Variants in SGCZ observed in about 807,000 individuals in gnomAD.
SGCZ encodes sarcoglycan zeta.
SGCZ carries 40 observed loss-of-function variants against 41.3 expected under a neutral mutation model. That is an observed-to-expected ratio of 0.97 (90% CI 0.75 to 1.26). The LOEUF (loss-of-function observed/expected upper bound fraction) is 1.26. Among genes scored for constraint, SGCZ ranks in the 50% most tolerant of loss-of-function variants. The probability of loss-of-function intolerance (pLI) is 0.00; values close to 1 mark genes in which losing one functional copy is unlikely to be tolerated. For synonymous variants in SGCZ, 206 were observed against 137.5 expected (o/e 1.50, Z -3.49); for missense variants, 552 against 369.8 (o/e 1.49, Z -4.04).
chr8:14,789,927 C>T (rs1356952076), intron 1 of SGCZ, among the ~76,000 whole-genome samples: 3 of 152,032 alleles, frequency 2.0e-5, no homozygotes, highest in Non-Finnish European at 2.9e-5. Context: ...AGAATGTTTT[C>T]AATTTTTCTC....
intron 1 of SGCZ, among the ~76,000 whole-genome samples, chr8:14,958,584 G>T (rs1207507017): frequency 6.6e-6 from 1 of 151,930 alleles, no homozygotes; most frequent in Non-Finnish European, 1.5e-5. Flanking sequence ...TGACTAGAAA[G>T]GATAATGAAA....
chr8:14,320,236 G>C (rs1213435629), intron 3 of SGCZ, among the ~76,000 whole-genome samples: 1 of 150,944 alleles, frequency 6.6e-6, no homozygotes, highest in Non-Finnish European at 1.5e-5. Context: ...ATATGATAAT[G>C]ATAACCATGA....
rs114261417 is a variant in SGCZ at position 14,248,436 on chromosome 8, T to C, written c.337-10757A>G. Among the ~76,000 whole-genome samples, 1,396 of 152,292 alleles carry C rather than the reference T, an allele frequency of 9.2e-3. 25 individuals carry two copies. The highest frequency in any genetic ancestry group is 0.032 in the African/African-American group (1,341 of 41,554). ...TGTATATGATACACAGTTCATGTTA[T>C]ATGAGTATCATGAATGATGAAAACT... On this transcript the variant is annotated intron_variant, in intron 3 of 7. Coordinates refer to ENST00000382080, the MANE Select transcript of SGCZ (RefSeq NM_139167.4).
At chr8:14,305,095 T>C (rs910737821) in intron 3 of SGCZ, among the ~76,000 whole-genome samples, 4 of 152,158 alleles carry the variant, frequency 2.6e-5, no homozygotes, top group African/African-American at 7.2e-5. Context: ...TATGTAAAGA[T>C]GGTAGATAAA....
chr8:14,694,745 T>A (rs1808903075), intron 1 of SGCZ, among the ~76,000 whole-genome samples: 1 of 152,112 alleles, frequency 6.6e-6, no homozygotes, highest in African/African-American at 2.4e-5. Context: ...TTAAAAGAAA[T>A]AACTCATATT....
Position 14,271,847 on chromosome 8 carries a change from G to A in SGCZ, c.337-34168C>T, listed in dbSNP as rs376532366. Among the ~76,000 whole-genome samples, 5 of 152,154 alleles carry A rather than the reference G, an allele frequency of 3.3e-5. No individual in the cohort carries two copies. In the East Asian group the frequency reaches 5.8e-4, roughly 18 times the overall value. On this transcript the variant is annotated intron_variant, in intron 3 of 7. Transcript: ENST00000382080. The stretch of plus-strand genomic sequence containing the variant: ...CTGAACAATTGCTGTTAAAAGCCTC[G>A]ATCTCAGCTTTACATCTCTCTTTAT...
At chr8:14,829,457 T>C (rs1327622222) in intron 1 of SGCZ, among the ~76,000 whole-genome samples, 2 of 152,182 alleles carry the variant, frequency 1.3e-5, no homozygotes, top group South Asian at 2.1e-4. Flanking sequence ...AATTTTTCCA[T>C]GAACTTCTTG....
intron 1 of SGCZ, among the ~76,000 whole-genome samples, chr8:14,692,087 C>G (rs746885896): frequency 6.6e-6 from 1 of 151,758 alleles, no homozygotes; most frequent in Non-Finnish European, 1.5e-5. Context: ...TATTTTTAGT[C>G]AAGAATTTCT....
chr8:14,742,333 G>A (rs1451353018), intron 1 of SGCZ, among the ~76,000 whole-genome samples: 1 of 151,868 alleles, frequency 6.6e-6, no homozygotes, highest in Non-Finnish European at 1.5e-5. Context: ...ACACACCTCA[G>A]CAACTGACAT....
At chr8:15,128,307 C>T (rs998642782) in intron 1 of SGCZ, among the ~76,000 whole-genome samples, 1 of 152,320 alleles carries the variant, frequency 6.6e-6, no homozygotes, top group African/African-American at 2.4e-5. Flanking sequence ...AACCAAGACT[C>T]ACCTTATAAG....
chr8:15,052,918 A>G (rs1804566446), intron 1 of SGCZ, among the ~76,000 whole-genome samples: 1 of 151,978 alleles, frequency 6.6e-6, no homozygotes, highest in Non-Finnish European at 1.5e-5. Flanking sequence ...CCTACTTGAC[A>G]CTCTTCTCCA....
Position 14,740,538 on chromosome 8 carries a change from A to G in SGCZ, c.40-185612T>C, listed in dbSNP as rs112977659. Among the ~76,000 whole-genome samples, 405 of 152,148 alleles carry G rather than the reference A, an allele frequency of 2.7e-3. 2 individuals carry two copies. The highest frequency in any genetic ancestry group is 9.5e-3 in the African/African-American group (396 of 41,542). On this transcript the variant is annotated intron_variant, in intron 1 of 7. Coordinates refer to ENST00000382080, the MANE Select transcript of SGCZ (RefSeq NM_139167.4). ...GCAAAATAACGTACTATGAATGTCC[A>G]CTAATGATGTCCCATTGTTTTTAAA...
At chr8:14,534,534 A>G (rs755086903) in intron 2 of SGCZ, among the ~76,000 whole-genome samples, 6 of 152,012 alleles carry the variant, frequency 3.9e-5, no homozygotes, top group Non-Finnish European at 8.8e-5. Flanking sequence ...TTTTACAGGC[A>G]TGGGAAATTA....
intron 1 of SGCZ, among the ~76,000 whole-genome samples, chr8:14,604,968 T>C (rs1805702956): frequency 6.6e-6 from 1 of 152,200 alleles, no homozygotes. Context: ...GAAATATTAA[T>C]TGATGTTATA....
chr8:14,309,930 G>A (rs564026646), intron 3 of SGCZ, among the ~76,000 whole-genome samples: 300 of 151,532 alleles, frequency 2.0e-3, no homozygotes, highest in Non-Finnish European at 3.5e-3. Flanking sequence ...ATCCATAAAT[G>A]TGTTCCTGGC....
At chr8:14,519,066 CT>C (rs1053815887) in intron 2 of SGCZ, among the ~76,000 whole-genome samples, 4 of 112,534 alleles carry the variant, frequency 3.6e-5, no homozygotes, top group Non-Finnish European at 3.3e-5. Flanking sequence ...CAGACTCTGT[CT>C]AAAAAAAAAA....
At chr8:14,384,759 C>T (rs1304902337) in intron 2 of SGCZ, among the ~76,000 whole-genome samples, 5 of 152,176 alleles carry the variant, frequency 3.3e-5, no homozygotes, top group East Asian at 1.9e-4. Context: ...CCATGTTGGC[C>T]GGGCTGGTCT....
chr8:14,466,723 G>A (rs1209554626), intron 2 of SGCZ, among the ~76,000 whole-genome samples: 1 of 151,626 alleles, frequency 6.6e-6, no homozygotes, highest in Non-Finnish European at 1.5e-5. Flanking sequence ...TACTCTGCCT[G>A]CTCAAGTCTG....
At chr8:14,832,414 C>T (rs1802562950) in intron 1 of SGCZ, among the ~76,000 whole-genome samples, 1 of 152,108 alleles carries the variant, frequency 6.6e-6, no homozygotes, top group Admixed American at 6.6e-5. Context: ...GGTCCAAGAC[C>T]AGGCAAGACC....
Sources: gnomAD v4.1 joint callset for allele counts (sites outside exome capture counted in the v4.1 genomes callset) on GRCh38, gnomAD v4.1.1 for gene constraint, MANE v1.5 for transcripts, NCBI Gene and HGNC (gene_info 2026-07-23, HGNC 2026-07-21) for gene names.